Variants in FHIP1A observed in about 807,000 individuals in gnomAD.
FHIP1A encodes the protein FHF complex subunit HOOK interacting protein 1A.
A neutral mutation model predicts 88.6 loss-of-function variants in FHIP1A; 61 were observed. The observed-to-expected ratio is 0.69, with a 90% CI of 0.56 to 0.85. FHIP1A has a LOEUF of 0.85. Ranked by LOEUF, FHIP1A falls within the 40% of genes least tolerant of loss-of-function variation. The pLI, the probability that FHIP1A is intolerant of heterozygous loss-of-function variation, is 0.00. For synonymous variants in FHIP1A, 478 were observed against 496.0 expected (o/e 0.96, Z 0.48); for missense variants, 1,154 against 1,273.5 (o/e 0.91, Z 1.43).
At chr4:151,539,045 T>G (rs1209093850) in intron 3 of FHIP1A, among the ~76,000 whole-genome samples, 1 of 152,226 alleles carries the variant, frequency 6.6e-6, no homozygotes, top group Non-Finnish European at 1.5e-5. Context: ...TATTGTCCAG[T>G]GTAAATATTG....
chr4:151,415,591 C>G (rs143517294), intron 1 of FHIP1A, among the ~76,000 whole-genome samples: 3 of 152,316 alleles, frequency 2.0e-5, no homozygotes, highest in African/African-American at 7.2e-5. Context: ...TCATTGTACA[C>G]TTGTGTTTTC....
intron 7 of FHIP1A, among the ~76,000 whole-genome samples, chr4:151,620,494 T>C (rs781184434): frequency 6.6e-6 from 1 of 152,238 alleles, no homozygotes; most frequent in Non-Finnish European, 1.5e-5. Context: ...CTGACATACC[T>C]GATTCTGTCC....
At chr4:151,567,264 C>G (rs1733423042) in intron 4 of FHIP1A, among the ~76,000 whole-genome samples, 1 of 152,086 alleles carries the variant, frequency 6.6e-6, no homozygotes, top group Non-Finnish European at 1.5e-5. Context: ...ATTTATGTGA[C>G]AGTTTTTTAA....
Position 151,437,892 on chromosome 4 carries a change from G to C in FHIP1A, c.-355-16809G>C, listed in dbSNP as rs1728260562. On this transcript the variant is annotated intron_variant, in intron 1 of 13. Coordinates refer to ENST00000435205, the MANE Select transcript of FHIP1A (RefSeq NM_001109977.3). ...ATCTATGTTCAGTTGTGTAGAAAAG[G>C]AAACTTCTTTTTTTAGTTTAAAAAT... Among the ~76,000 whole-genome samples, 3 of 152,218 alleles carry C rather than the reference G, an allele frequency of 2.0e-5. No homozygotes were observed. In the East Asian group the frequency reaches 5.8e-4, roughly 29 times the overall value.
chr4:151,425,876 C>T (rs910612264), intron 1 of FHIP1A, among the ~76,000 whole-genome samples: 3 of 152,102 alleles, frequency 2.0e-5, no homozygotes, highest in South Asian at 2.1e-4. Context: ...CATGTGTGCT[C>T]GCTTCAGCAA....
intron 7 of FHIP1A, among the ~76,000 whole-genome samples, chr4:151,598,040 G>A (rs997904757): frequency 9.9e-5 from 15 of 152,122 alleles, no homozygotes; most frequent in African/African-American, 3.4e-4. Flanking sequence ...GGAGTGAACG[G>A]TTCTGTCTCA....
intron 7 of FHIP1A, among the ~76,000 whole-genome samples, chr4:151,618,646 G>A (rs1396096295): frequency 1.3e-5 from 2 of 152,148 alleles, no homozygotes; most frequent in Admixed American, 6.5e-5. Context: ...ACATCTCATC[G>A]TTTACCTTCT....
intron 8 of FHIP1A, 53 bp downstream of exon 8, chr4:151,629,922 G>T: frequency 1.4e-6 from 2 of 1,400,580 alleles, no homozygotes; most frequent in East Asian, 2.6e-5. Context: ...GATTTCAGGA[G>T]AGTTTTTTTT....
intron 1 of FHIP1A, among the ~76,000 whole-genome samples, chr4:151,446,664 T>C (rs1580575334): frequency 6.6e-6 from 1 of 151,984 alleles, no homozygotes; most frequent in African/African-American, 2.4e-5. Flanking sequence ...TAGAGTCTTT[T>C]TTTCCTTCAC....
rs547037625 is a variant in FHIP1A at position 151,603,699 on chromosome 4, C to T, written c.978+14773C>T. On this transcript the variant is annotated intron_variant, in intron 7 of 13. Transcript: ENST00000435205. ...GCTAGCTTAATTCATCCTCTGCATA[C>T]CTTCTTTTTGTGAATAATATCACTT... is the stretch of plus-strand genomic sequence containing the variant. Among the ~76,000 whole-genome samples the T allele has an allele frequency of 2.0e-5, 3 of 152,292 alleles. No individual in the cohort carries two copies. The South Asian group carries it at 6.2e-4, about 32-fold the overall frequency.
At chr4:151,507,632 A>T (rs140834115) in intron 3 of FHIP1A, among the ~76,000 whole-genome samples, 1 of 152,162 alleles carries the variant, frequency 6.6e-6, no homozygotes, top group African/African-American at 2.4e-5. Context: ...ATGTTATAGG[A>T]TATGCTTTCT....
intron 3 of FHIP1A, among the ~76,000 whole-genome samples, chr4:151,497,888 TC>T (rs1730519243): frequency 6.6e-6 from 1 of 152,204 alleles, no homozygotes; most frequent in African/African-American, 2.4e-5. Context: ...TTGGTGAGAA[TC>T]CTCCAACTGT....
chr4:151,528,869 G>T (rs1156254836), intron 3 of FHIP1A, among the ~76,000 whole-genome samples: 2 of 152,166 alleles, frequency 1.3e-5, no homozygotes, highest in Non-Finnish European at 2.9e-5. Flanking sequence ...TGTGGCAAAA[G>T]TATGAGAGCT....
At chr4:151,523,738 T>C (rs2126698954) in intron 3 of FHIP1A, among the ~76,000 whole-genome samples, 1 of 152,318 alleles carries the variant, frequency 6.6e-6, no homozygotes, top group Non-Finnish European at 1.5e-5. Flanking sequence ...TCTCAATATG[T>C]GTTTGGTAAG....
chr4:151,649,677 A>G lies in FHIP1A; in HGVS notation c.1636A>G (p.Ser546Gly). 6.4e-7 allele frequency: 1 copy of G among 1,551,512 alleles called. No homozygotes were observed. The highest frequency in any genetic ancestry group is 8.7e-7 in the Non-Finnish European group (1 of 1,146,940). ...LQSLTEEGSV[S>G]SACPVFGLPQ... ...GAGTCTGACGGAGGAGGGCAGTGTG[A>G]GCTCGGCCTGCCCTGTGTTCGGGCT... Residue 546 changes from serine (S) to glycine (G), a missense_variant, in exon 11 of 14, where the codon AGC (serine) becomes GGC (glycine). Transcript: ENST00000435205.
rs1354987778 is a variant in FHIP1A at position 151,622,239 on chromosome 4, G to C, written c.979-7463G>C. On this transcript the variant is annotated intron_variant, in intron 7 of 13. Coordinates refer to ENST00000435205, the MANE Select transcript of FHIP1A (RefSeq NM_001109977.3). Reference sequence around the variant, plus strand: ...TCTGGAATAGGAAAGTTGAGTTTTGGGGGGACAGCATTTCTCCATCACCAC... The same window carrying C: ...TCTGGAATAGGAAAGTTGAGTTTTGCGGGGACAGCATTTCTCCATCACCAC... Among the ~76,000 whole-genome samples, 7 of 152,274 alleles carry C rather than the reference G, an allele frequency of 4.6e-5. No homozygotes were observed. In the East Asian group the frequency reaches 9.6e-4, roughly 21 times the overall value.
At position 151,666,368 on chromosome 4, in the gene FHIP1A, T is replaced by C. The variant is rs755748415; in HGVS notation, c.*3614T>C. Among the ~76,000 whole-genome samples the C allele has an allele frequency of 1.3e-5, 2 of 152,186 alleles. No homozygotes were observed. Among genetic ancestry groups the C allele is most frequent in the African/African-American group, 4.8e-5 (2 of 41,440 alleles). On this transcript the variant is annotated 3_prime_UTR_variant, in exon 14 of 14. Coordinates refer to ENST00000435205, the MANE Select transcript of FHIP1A (RefSeq NM_001109977.3). ...TGGAGTATCATTTTGGAAAATGCTT[T>C]GATGTGCTCGGGTTGGAGTGGATGT...
intron 1 of FHIP1A, among the ~76,000 whole-genome samples, chr4:151,422,218 TAA>T (rs201428102): frequency 1.6e-5 from 2 of 127,308 alleles, no homozygotes; most frequent in African/African-American, 2.7e-5. Flanking sequence ...TATGAGACAT[TAA>T]AAAAATATAT....
intron 3 of FHIP1A, among the ~76,000 whole-genome samples, chr4:151,563,691 C>T (rs1733261849): frequency 6.6e-6 from 1 of 152,118 alleles, no homozygotes; most frequent in Non-Finnish European, 1.5e-5. Flanking sequence ...TATTCTATTT[C>T]TATCAAAACT....
Sources: allele counts gnomAD v4.1 joint callset (sites outside exome capture counted in the v4.1 genomes callset), GRCh38; gene constraint gnomAD v4.1.1; transcripts MANE v1.5; gene names NCBI Gene and HGNC (gene_info 2026-07-23, HGNC 2026-07-21).